PREX2: variants seen among roughly 807,000 people sequenced by gnomAD.
The protein encoded by PREX2 is phosphatidylinositol 3,4,5-trisphosphate-dependent Rac exchanger 2 protein.
In PREX2, 107 loss-of-function variants were observed where a neutral mutation model predicts 203.2. That is an observed-to-expected ratio of 0.53 (90% CI 0.45 to 0.62). The LOEUF (loss-of-function observed/expected upper bound fraction) is 0.62, where lower values mean the gene tolerates loss of function less well. Ranked by LOEUF, PREX2 falls within the 20% of genes least tolerant of loss-of-function variation. The probability of loss-of-function intolerance (pLI) is 0.00; values close to 1 mark genes in which losing one functional copy is unlikely to be tolerated. For synonymous variants in PREX2, 672 were observed against 663.6 expected (o/e 1.01, Z -0.19); for missense variants, 1,777 against 1,955.9 (o/e 0.91, Z 1.72).
chr8:68,214,761 T>G (rs980161908), intron 37 of PREX2, among the ~76,000 whole-genome samples: 2 of 152,176 alleles, frequency 1.3e-5, no homozygotes, highest in African/African-American at 4.8e-5. Context: ...GCATGCTTAG[T>G]TTAGGAAAAT....
intron 35 of PREX2, among the ~76,000 whole-genome samples, chr8:68,170,395 C>G (rs577163088): frequency 2.6e-4 from 40 of 152,218 alleles, no homozygotes; most frequent in Admixed American, 1.4e-3. Flanking sequence ...AGTAGTGAAG[C>G]CGGCCAAGGC....
At chr8:68,129,647 T>A (rs1810961660) in intron 31 of PREX2, among the ~76,000 whole-genome samples, 1 of 152,146 alleles carries the variant, frequency 6.6e-6, no homozygotes, top group Admixed American at 6.5e-5. Context: ...AACCATCTCA[T>A]TCTTTTTAGA....
intron 33 of PREX2, among the ~76,000 whole-genome samples, chr8:68,144,611 A>G (rs1054215447): frequency 4.2e-4 from 64 of 152,070 alleles, no homozygotes; most frequent in African/African-American, 1.4e-3. Context: ...TTTCCCAATC[A>G]TTATAGTTTC....
chr8:68,017,902 A>G lies in PREX2; in HGVS notation c.198A>G (p.Thr66=), dbSNP rs762556183. 7.4e-6 allele frequency: 12 copies of G among 1,612,154 alleles called. No individual in the cohort carries two copies. The South Asian group carries it at 9.9e-5, about 13-fold the overall frequency. ...CATCAAAAGTTGACAAAAATGTGAC[A>G]GAAGAAACAGTGAAGGTGAGGAGGT... The part of the protein sequence containing the change: ...CAASKVDKNV[T]EETVKMLFSN... The change falls in exon 2 of 40, where the codon ACA becomes ACG. Residue 66 remains threonine (T), a synonymous_variant. Transcript: ENST00000288368.
At chr8:67,996,483 C>T (rs1229936579) in intron 1 of PREX2, among the ~76,000 whole-genome samples, 1 of 152,000 alleles carries the variant, frequency 6.6e-6, no homozygotes, top group East Asian at 1.9e-4. Flanking sequence ...CATGAGCCAC[C>T]ACACCTGGCC....
chr8:68,096,060 A>G (rs1198401874), intron 21 of PREX2, among the ~76,000 whole-genome samples: 1 of 152,196 alleles, frequency 6.6e-6, no homozygotes, highest in Non-Finnish European at 1.5e-5. Context: ...ATCATGGGTA[A>G]TATCAGAAAC....
At chr8:68,214,196 T>G (rs1056102150) in intron 37 of PREX2, among the ~76,000 whole-genome samples, 1 of 151,504 alleles carries the variant, frequency 6.6e-6, no homozygotes, top group Non-Finnish European at 1.5e-5. Context: ...AGACAAGGAG[T>G]TCAAGACAAC....
rs541311750 is a variant in PREX2 at position 68,191,740 on chromosome 8, G to A, written c.4365G>A (p.Lys1455=). The A allele has an allele frequency of 2.5e-6, 4 of 1,610,688 alleles. No homozygotes were observed. The African/African-American group carries it at 4.0e-5, about 16-fold the overall frequency. Residue 1455 remains lysine, a synonymous_variant, in exon 36 of 40, where the codon AAG becomes AAA. Transcript: ENST00000288368. ...NQKLRAFYLD[K]SNSPPNSTSK... The stretch of plus-strand genomic sequence containing the variant: ...CTTACAGGGCATTCTACTTGGACAA[G>A]TCAAATTCACCACCAAACTCCACAT...
intron 37 of PREX2, among the ~76,000 whole-genome samples, chr8:68,193,113 TC>T (rs1268589474): frequency 6.6e-6 from 1 of 152,198 alleles, no homozygotes; most frequent in Non-Finnish European, 1.5e-5. Context: ...GCATAAAAAT[TC>T]CTGTAGATAC....
At chr8:68,053,004 G>A (rs1156892334) in intron 8 of PREX2, 93 bp from the exon 9 acceptor site, 1 of 1,106,018 alleles carries the variant, frequency 9.0e-7, no homozygotes, top group African/African-American at 1.6e-5. Flanking sequence ...ACAATTCAGT[G>A]GTTTTGGAAC....
intron 38 of PREX2, among the ~76,000 whole-genome samples, chr8:68,219,828 A>C (rs2129615368): frequency 6.6e-6 from 1 of 152,270 alleles, no homozygotes; most frequent in South Asian, 2.1e-4. Context: ...CCTACCTATG[A>C]TTTGAGCAGT....
At chr8:68,174,392 G>C (rs1170038160) in intron 35 of PREX2, among the ~76,000 whole-genome samples, 6 of 152,184 alleles carry the variant, frequency 3.9e-5, no homozygotes, top group African/African-American at 1.2e-4. Context: ...CAAACTTCAA[G>C]TAGGGGCACA....
At chr8:68,072,754 A>G (rs6986296) in intron 14 of PREX2, among the ~76,000 whole-genome samples, 184 bp downstream of exon 14, 79,591 of 151,996 alleles carry the variant, frequency 0.52, 20,901 homozygotes, top group South Asian at 0.56. Context: ...CTCAAACTTC[A>G]CTTTTGTGTT....
At chr8:68,132,364 T>C (rs1473556788) in intron 31 of PREX2, among the ~76,000 whole-genome samples, 1 of 151,970 alleles carries the variant, frequency 6.6e-6, no homozygotes, top group Non-Finnish European at 1.5e-5. Flanking sequence ...GGGGCACATG[T>C]TGTTGGTTAA....
chr8:67,994,001 T>TA (rs1199321443), intron 1 of PREX2, among the ~76,000 whole-genome samples: 1 of 152,192 alleles, frequency 6.6e-6, no homozygotes, highest in Admixed American at 6.5e-5. Context: ...TTGGAGTCAA[T>TA]AATTGGAGCA....
At chr8:68,102,973 A>T in intron 23 of PREX2, 1 of 515,836 alleles carries the variant, frequency 1.9e-6, no homozygotes, top group South Asian at 1.4e-5. Context: ...CTTTCTCCTT[A>T]AATTGTCCTG....
chr8:67,956,093 G>A (rs1434254124), intron 1 of PREX2, among the ~76,000 whole-genome samples: 1 of 152,192 alleles, frequency 6.6e-6, no homozygotes, highest in African/African-American at 2.4e-5. Flanking sequence ...GGTAGAGAGT[G>A]ACATAATTTG....
In PREX2 at chr8:68,224,549, T is replaced by A; in HGVS notation, c.4708-10T>A. ...ACTGTAGGGATAAAAGTGATTTTCCTGACTTTCAGGGAGCAAGAGTTCAGA... is the reference window on the plus strand; with the variant it reads ...ACTGTAGGGATAAAAGTGATTTTCCAGACTTTCAGGGAGCAAGAGTTCAGA... On this transcript the variant is annotated splice_polypyrimidine_tract_variant and intron_variant, in intron 38 of 39. Coordinates refer to ENST00000288368, the MANE Select transcript of PREX2 (RefSeq NM_024870.4). 1 of 1,612,188 alleles carries A rather than the reference T, an allele frequency of 6.2e-7. No individual in the cohort carries two copies. Among genetic ancestry groups the A allele is most frequent in the Non-Finnish European group, 8.5e-7 (1 of 1,178,334 alleles).
chr8:68,192,356 T>G lies in PREX2; in HGVS notation c.4435T>G (p.Leu1479Val). ...GCAGCTAATGAGGCCTCTCAACGCTTTGGATGAACTTTACCGACTGGTAGC... is the reference window on the plus strand; with the variant it reads ...GCAGCTAATGAGGCCTCTCAACGCTGTGGATGAACTTTACCGACTGGTAGC... ...VDKLMRPLNA[L>V]DELYRLVASF... is the part of the protein sequence containing the mutation. The change falls in exon 37 of 40, where the codon TTG (leucine) becomes GTG (valine). Residue 1479 changes from leucine to valine, a missense_variant. Transcript: ENST00000288368. The G allele has an allele frequency of 6.2e-7, 1 of 1,604,386 alleles. No homozygotes were observed. The highest frequency in any genetic ancestry group is 8.5e-7 in the Non-Finnish European group (1 of 1,174,014).
Sources: allele counts gnomAD v4.1 joint callset (sites outside exome capture counted in the v4.1 genomes callset), GRCh38; gene constraint gnomAD v4.1.1; transcripts MANE v1.5; gene names NCBI Gene and HGNC (gene_info 2026-07-23, HGNC 2026-07-21).